GRIK4: variants seen among roughly 807,000 people sequenced by gnomAD.
GRIK4 encodes glutamate ionotropic receptor kainate type subunit 4.
GRIK4 carries 40 observed loss-of-function variants against 104.9 expected under a neutral mutation model. That is an observed-to-expected ratio of 0.38 (90% CI 0.30 to 0.50). The LOEUF (loss-of-function observed/expected upper bound fraction) is 0.50, where lower values mean the gene tolerates loss of function less well. GRIK4 is among the 20% of genes least tolerant of loss of function. GRIK4 has a pLI of 0.93. For missense variants in GRIK4, 1,047 were observed against 1,308.1 expected (o/e 0.80, Z 3.08); for synonymous variants, 485 against 524.9 (o/e 0.92, Z 1.04).
At chr11:120,794,000 G>C (rs1429540250) in intron 3 of GRIK4, among the ~76,000 whole-genome samples, 1 of 151,040 alleles carries the variant, frequency 6.6e-6, no homozygotes, top group Non-Finnish European at 1.5e-5. Context: ...GGTTAGAGGT[G>C]AGAGGAGTTG....
rs921259201 is a variant in GRIK4, at chr11:120,902,602, T to C, written c.1273-2688T>C. ...ACTCACATGATCGGCAAGTGCTTAA[T>C]GCTGAGCCAGGTAGGGGAACCAAGC... On this transcript the variant is annotated intron_variant, in intron 12 of 20. Coordinates refer to ENST00000527524, the MANE Select transcript of GRIK4 (RefSeq NM_014619.5). This position sits in a 1 kb window ranked among gnomAD's most constrained non-coding sequence, Gnocchi z 4.5. Among the ~76,000 whole-genome samples the C allele has an allele frequency of 2.0e-5, 3 of 152,142 alleles. No homozygotes were observed. The highest frequency in any genetic ancestry group is 7.2e-5 in the African/African-American group (3 of 41,422).
chr11:120,564,046 T>G (rs1391304208), intron 1 of GRIK4, among the ~76,000 whole-genome samples: 1 of 151,840 alleles, frequency 6.6e-6, no homozygotes, highest in African/African-American at 2.4e-5. Flanking sequence ...AGGCAGTTTA[T>G]GTAGTGGGGA....
rs1942791949 is a variant in GRIK4 at position 120,903,382 on chromosome 11, T to C, written c.1273-1908T>C. 6.6e-6 allele frequency among the ~76,000 whole-genome samples: 1 copy of C among 151,728 alleles called. No individual in the cohort carries two copies. Among genetic ancestry groups the C allele is most frequent in the Admixed American group, 6.6e-5 (1 of 15,248 alleles). ...GCACAACTCTGGGGCCAGCACGAGC[T>C]CCCTTCTCTCTGTGAACCCACCCAT... On this transcript the variant is annotated intron_variant, in intron 12 of 20. Coordinates refer to ENST00000527524, the MANE Select transcript of GRIK4 (RefSeq NM_014619.5). This position sits in a 1 kb window ranked among gnomAD's most constrained non-coding sequence, Gnocchi z 4.4.
chr11:120,561,091 T>C (rs1182745974), intron 1 of GRIK4, among the ~76,000 whole-genome samples: 1 of 151,924 alleles, frequency 6.6e-6, no homozygotes, highest in Non-Finnish European at 1.5e-5. Flanking sequence ...CTTGGCTGTT[T>C]AGGAAGGTGA....
chr11:120,767,984 G>A (rs1466142990), intron 3 of GRIK4, among the ~76,000 whole-genome samples: 1 of 149,630 alleles, frequency 6.7e-6, no homozygotes, highest in African/African-American at 2.4e-5. Flanking sequence ...GAAGTGTGAT[G>A]CTTCCAACTT....
chr11:120,928,123 G>C (rs547208467), intron 13 of GRIK4, among the ~76,000 whole-genome samples: 3 of 151,582 alleles, frequency 2.0e-5, no homozygotes, highest in African/African-American at 7.3e-5. Flanking sequence ...GCTGAGGCAG[G>C]AGAATGGCTG....
chr11:120,649,218 G>T (rs553280429), intron 1 of GRIK4, among the ~76,000 whole-genome samples: 1 of 152,298 alleles, frequency 6.6e-6, no homozygotes, highest in South Asian at 2.1e-4. Context: ...ACACCTGGGA[G>T]GGCTGAGGGG....
At chr11:120,564,958 G>T (rs1948297054) in intron 1 of GRIK4, among the ~76,000 whole-genome samples, 2 of 142,566 alleles carry the variant, frequency 1.4e-5, no homozygotes, top group Non-Finnish European at 3.1e-5. Context: ...CTTTTCCGGC[G>T]ATCGGCTCCG....
At chr11:120,580,098 G>A (rs1284872966) in intron 1 of GRIK4, among the ~76,000 whole-genome samples, 3 of 152,126 alleles carry the variant, frequency 2.0e-5, no homozygotes. Flanking sequence ...GTGCAGAAAT[G>A]CCAGTTTGTT....
intron 1 of GRIK4, among the ~76,000 whole-genome samples, chr11:120,640,628 T>A (rs1050841163): frequency 5.9e-5 from 9 of 152,230 alleles, no homozygotes; most frequent in African/African-American, 2.2e-4. Flanking sequence ...GTAACTTTCT[T>A]TTAACCATAA....
chr11:120,685,751 T>C (rs1950265471), intron 3 of GRIK4, among the ~76,000 whole-genome samples: 1 of 152,210 alleles, frequency 6.6e-6, no homozygotes, highest in Admixed American at 6.5e-5. Flanking sequence ...TGAAGCTCTC[T>C]CTTGATCTTG....
rs1195394277 is a variant in GRIK4, at chr11:120,987,124, GTTTGA to G, written c.*871_*875del. ...TCTTTCTGACTGTCACTATTACTGG[GTTTGA>G]TTTGATCTTTTTGTGAATGTAGTCT... On this transcript the variant is annotated 3_prime_UTR_variant, in exon 21 of 21. Transcript: ENST00000527524. 6.6e-6 allele frequency: 1 copy of G among 152,240 alleles called. No individual in the cohort carries two copies. The highest frequency in any genetic ancestry group is 2.4e-5 in the African/African-American group (1 of 41,440). 9.4% of individuals were successfully genotyped at this position (152,240 alleles called of 1,614,324 possible). A position where few individuals can be genotyped will look rare whatever the true frequency, so the allele number is the denominator to read the frequency against.
intron 11 of GRIK4, among the ~76,000 whole-genome samples, chr11:120,885,491 T>C (rs949514078): frequency 6.6e-6 from 1 of 152,090 alleles, no homozygotes; most frequent in African/African-American, 2.4e-5. Context: ...GTTCAAGCGA[T>C]TCTCTTGTCT....
At chr11:120,584,655 C>A (rs188885207) in intron 1 of GRIK4, among the ~76,000 whole-genome samples, 4 of 152,350 alleles carry the variant, frequency 2.6e-5, no homozygotes, top group Admixed American at 6.5e-5. Flanking sequence ...ACCTCCAACA[C>A]TGGGGATTAC....
At chr11:120,893,252 T>TTA (rs1471471706) in intron 11 of GRIK4, among the ~76,000 whole-genome samples, 3 of 152,224 alleles carry the variant, frequency 2.0e-5, no homozygotes, top group African/African-American at 7.2e-5. Flanking sequence ...CATTATTAAT[T>TTA]TATATCCACC....
At chr11:120,960,115 G>A (rs1330605423) in intron 16 of GRIK4, among the ~76,000 whole-genome samples, 1 of 152,202 alleles carries the variant, frequency 6.6e-6, no homozygotes, top group African/African-American at 2.4e-5. Context: ...TGGATCACAA[G>A]GTCAAGAGAT....
intron 17 of GRIK4, 137 bp downstream of exon 17, chr11:120,961,211 C>G: frequency 2.6e-6 from 2 of 763,372 alleles, no homozygotes; most frequent in South Asian, 3.6e-5. Flanking sequence ...CCACATGGGG[C>G]TCATTTATCT....
At chr11:120,658,605 AT>A (rs1183406859) in intron 2 of GRIK4, among the ~76,000 whole-genome samples, 1 of 152,018 alleles carries the variant, frequency 6.6e-6, no homozygotes, top group African/African-American at 2.4e-5. Context: ...CTGATGCTTA[AT>A]GAGGCTGAAC....
rs569251099 is a variant in GRIK4, at chr11:120,583,623, G to A, written c.-158-70062G>A. 2.0e-5 allele frequency among the ~76,000 whole-genome samples: 3 copies of A among 152,334 alleles called. No individual in the cohort carries two copies. The South Asian group carries it at 6.2e-4, about 32-fold the overall frequency. ...CTGTTTTGTTTACTGTAACCATGTA[G>A]TGTAGTTTGAAGTCAGGTAACAGGA... On this transcript the variant is annotated intron_variant, in intron 1 of 20. Transcript: ENST00000527524.
Sources: gnomAD v4.1 joint callset for allele counts (sites outside exome capture counted in the v4.1 genomes callset) on GRCh38, gnomAD v4.1.1 for gene constraint, Gnocchi (gnomAD v3.1) non-coding constraint, MANE v1.5 for transcripts, NCBI Gene and HGNC (gene_info 2026-07-23, HGNC 2026-07-21) for gene names.